FBXW12: variants seen among roughly 807,000 people sequenced by gnomAD.
FBXW12 encodes F-box/WD repeat-containing protein 12.
A neutral mutation model predicts 55.3 loss-of-function variants in FBXW12; 43 were observed. The observed-to-expected ratio is 0.78, with a 90% CI of 0.61 to 1.00. FBXW12 has a LOEUF of 1.00. FBXW12 is among the 50% of genes least tolerant of loss of function. The pLI, the probability that FBXW12 is intolerant of heterozygous loss-of-function variation, is 0.00. For synonymous variants in FBXW12, 184 were observed against 203.8 expected, an observed-to-expected ratio of 0.90 and a Z score of 0.83; for missense variants, 524 against 560.5, an observed-to-expected ratio of 0.93 and a Z score of 0.66.
At chr3:48,378,623 T>TC (rs950405804) in intron 6 of FBXW12, 97 bp downstream of exon 6, 31 of 979,088 alleles carry the variant, frequency 3.2e-5, no homozygotes, top group Non-Finnish European at 4.4e-5. Flanking sequence ...CTTTTTTTTT[T>TC]TTTTTTTTGG....
At chr3:48,373,367 G>T in intron 3 of FBXW12, 22 bp downstream of exon 3, 3 of 1,614,148 alleles carry the variant, frequency 1.9e-6, no homozygotes, top group Non-Finnish European at 2.5e-6. Flanking sequence ...GAAAGGGCAA[G>T]GAGGGAAGGG....
At chr3:48,392,771 T>C (rs1436321367) in intron 10 of FBXW12, among the ~76,000 whole-genome samples, 1 of 152,208 alleles carries the variant, frequency 6.6e-6, no homozygotes, top group Non-Finnish European at 1.5e-5. Flanking sequence ...AATCTCTATA[T>C]CTCTCTAGAT....
Position 48,372,846 on chromosome 3 carries a change from C to T in FBXW12, c.79C>T (p.Gln27Ter). The T allele has an allele frequency of 6.2e-7, 1 of 1,614,140 alleles. No individual in the cohort carries two copies. Among genetic ancestry groups the T allele is most frequent in the Non-Finnish European group, 8.5e-7 (1 of 1,180,016 alleles). Reference sequence around the variant, plus strand: ...CCTGTTCGGCTTGCTGCAGGTTTCCCAGGTGAACAAGGTAAAGGCCTTCCA... The same window carrying T: ...CCTGTTCGGCTTGCTGCAGGTTTCCTAGGTGAACAAGGTAAAGGCCTTCCA... ...LDLFGLLQVS[Q>*]VNKHWNRIAD... Residue 27 changes from glutamine to a stop codon, truncating the protein, a stop_gained, in exon 2 of 11, where the codon CAG becomes TAG. Transcript: ENST00000296438. LOFTEE classifies it high-confidence loss of function.
rs558664212 is a variant in FBXW12, at chr3:48,375,905, G to A, written c.405+433G>A. 3.3e-5 allele frequency among the ~76,000 whole-genome samples: 5 copies of A among 149,502 alleles called. No individual in the cohort carries two copies. In the South Asian group the frequency reaches 1.0e-3, roughly 31 times the overall value. ...TTAGCCAGGATGGTCTCGATCTCCT[G>A]ACCTTGTGATCCGCCTACCTTGGGC... On this transcript the variant is annotated intron_variant, in intron 5 of 10. Transcript: ENST00000296438.
At chr3:48,373,185 G>C (rs1437812416) in intron 2 of FBXW12, 123 bp from the exon 3 acceptor site, 2 of 1,441,530 alleles carry the variant, frequency 1.4e-6, no homozygotes, top group Non-Finnish European at 1.9e-6. Flanking sequence ...AGTGCTTTGA[G>C]AGCTGGAATC....
chr3:48,392,915 T>C (rs928866774), intron 10 of FBXW12, among the ~76,000 whole-genome samples: 8 of 152,118 alleles, frequency 5.3e-5, no homozygotes, highest in Non-Finnish European at 1.2e-4. Context: ...TTTGAATCTA[T>C]AGGTCTACGA....
chr3:48,391,307 T>C (rs2036923328), intron 10 of FBXW12, among the ~76,000 whole-genome samples: 1 of 110,396 alleles, frequency 9.1e-6, no homozygotes, highest in Non-Finnish European at 1.8e-5. Context: ...ATACATATTA[T>C]ATCTATCTAT....
At chr3:48,376,887 AT>A (rs36066692) in intron 5 of FBXW12, among the ~76,000 whole-genome samples, 87,677 of 151,856 alleles carry the variant, frequency 0.58, 25,262 homozygotes, top group South Asian at 0.68. Context: ...CTATTTTTCC[AT>A]TTTCACCTTT....
intron 6 of FBXW12, 65 bp from the exon 7 acceptor site, chr3:48,379,335 C>A: frequency 6.8e-7 from 1 of 1,472,016 alleles, no homozygotes; most frequent in Non-Finnish European, 9.5e-7. Context: ...CATAGTGCTG[C>A]CTCCTCTGTA....
intron 4 of FBXW12, 43 bp from the exon 5 acceptor site, chr3:48,375,311 C>A: frequency 1.8e-6 from 2 of 1,137,460 alleles, no homozygotes; most frequent in Non-Finnish European, 2.7e-6. Context: ...TTTGGATCAT[C>A]CCTTAACTAT....
Position 48,373,648 on chromosome 3 carries a change from C to T in FBXW12, c.229C>T (p.Leu77Phe), listed in dbSNP as rs1166221648. The change falls in exon 4 of 11, where the codon CTT (leucine) becomes TTT (phenylalanine). Residue 77 changes from leucine (L) to phenylalanine (F), a missense_variant. Transcript: ENST00000296438. ...TTTCCTGCATCAAAGAAGGAAGGAG[C>T]TTCGGTTGGCATTGGCACAGCCGCA... ...QFFLHQRRKE[L>F]RLALAQPHNF... 7 of 1,614,044 alleles carry T rather than the reference C, an allele frequency of 4.3e-6. No homozygotes were observed. Among genetic ancestry groups the T allele is most frequent in the Admixed American group, 3.3e-5 (2 of 60,010 alleles).
At chr3:48,382,207 C>G (rs2036787159) in intron 10 of FBXW12, 122 bp downstream of exon 10, 3 of 1,111,112 alleles carry the variant, frequency 2.7e-6, no homozygotes, top group Non-Finnish European at 3.9e-6. Context: ...ACCTCCGACT[C>G]CCGGGTTCTA....
At chr3:48,373,188 C>G in intron 2 of FBXW12, 120 bp from the exon 3 acceptor site, 2 of 1,467,500 alleles carry the variant, frequency 1.4e-6, no homozygotes, top group Non-Finnish European at 1.9e-6. Context: ...GCTTTGAGAG[C>G]TGGAATCCCA....
At chr3:48,391,292 A>T (rs1236139456) in intron 10 of FBXW12, among the ~76,000 whole-genome samples, 3 of 146,076 alleles carry the variant, frequency 2.1e-5, no homozygotes, top group South Asian at 2.2e-4. Flanking sequence ...GGGGGGATTT[A>T]AAAAATACAT....
intron 2 of FBXW12, 81 bp downstream of exon 2, chr3:48,372,938 G>C (rs2036625460): frequency 7.6e-7 from 1 of 1,322,458 alleles, no homozygotes; most frequent in Non-Finnish European, 1.1e-6. Context: ...CAGAATAGCA[G>C]AGGGTTACAC....
chr3:48,381,601 A>G (rs2036775049), intron 8 of FBXW12, 99 bp from the exon 9 acceptor site: 1 of 1,327,024 alleles, frequency 7.5e-7, no homozygotes, highest in Non-Finnish European at 1.0e-6. Flanking sequence ...AGTGGGGACT[A>G]TGCTTTTTTA....
intron 10 of FBXW12, among the ~76,000 whole-genome samples, chr3:48,393,864 C>T (rs1302486047): frequency 6.6e-6 from 1 of 151,412 alleles, no homozygotes; most frequent in Non-Finnish European, 1.5e-5. Context: ...CTACAACCTC[C>T]GCCTCCCGGG....
chr3:48,391,138 G>T (rs2036920622), intron 10 of FBXW12, among the ~76,000 whole-genome samples: 1 of 139,186 alleles, frequency 7.2e-6, no homozygotes, highest in South Asian at 2.3e-4. Context: ...AAAAAAAATA[G>T]CCAGGCATGG....
chr3:48,373,947 GT>G (rs1024291587), intron 4 of FBXW12, among the ~76,000 whole-genome samples: 45 of 151,940 alleles, frequency 3.0e-4, no homozygotes, highest in Non-Finnish European at 5.3e-4. Context: ...ATCAGGTCCT[GT>G]TACTCCCTTT....
Sources: gnomAD v4.1 joint callset for allele counts (sites outside exome capture counted in the v4.1 genomes callset) on GRCh38, gnomAD v4.1.1 for gene constraint, MANE v1.5 for transcripts, NCBI Gene and HGNC (gene_info 2026-07-23, HGNC 2026-07-21) for gene names.